NRCAM: variants seen among roughly 807,000 people sequenced by gnomAD.
The protein encoded by NRCAM is NgCAM-related cell adhesion molecule.
A neutral mutation model predicts 156.5 loss-of-function variants in NRCAM; 83 were observed. The observed-to-expected ratio is 0.53, with a 90% CI of 0.44 to 0.64. NRCAM has a LOEUF of 0.64. Ranked by LOEUF, NRCAM falls within the 30% of genes least tolerant of loss-of-function variation. NRCAM has a pLI of 0.00. For missense variants in NRCAM, 1,417 were observed against 1,597.3 expected, an observed-to-expected ratio of 0.89 and a Z score of 1.92; for synonymous variants, 538 against 563.9, an observed-to-expected ratio of 0.95 and a Z score of 0.65.
rs1482378406 is a variant in NRCAM at position 108,303,380 on chromosome 7, C to T, written c.-107+9285G>A. The stretch of plus-strand genomic sequence containing the variant: ...CTCAGTTGGCAAATATACTGTGTAC[C>T]GTCTCCTCTTCAGCCCCTCTGCTAG... On this transcript the variant is annotated intron_variant, in intron 3 of 32. Coordinates refer to ENST00000379028, the MANE Select transcript of NRCAM (RefSeq NM_001037132.4). Among the ~76,000 whole-genome samples the T allele has an allele frequency of 3.3e-5, 5 of 152,190 alleles. No homozygotes were observed. In the East Asian group the frequency reaches 5.8e-4, roughly 18 times the overall value.
chr7:108,388,966 G>A (rs1484527508), intron 2 of NRCAM, among the ~76,000 whole-genome samples: 1 of 152,160 alleles, frequency 6.6e-6, no homozygotes, highest in Non-Finnish European at 1.5e-5. Context: ...CTGTAGCCTT[G>A]TAGTATAGTT....
rs2095429213 is a variant in NRCAM, at chr7:108,240,118, A to G, written c.-54T>C. On this transcript the variant is annotated 5_prime_UTR_variant, in exon 4 of 33. Transcript: ENST00000379028. ...CTGAATTTCCTTTTCTTCTTTCACA[A>G]AAGATTTTGTGAAACGTTGTGTGCA... 1 of 1,321,374 alleles carries G rather than the reference A, an allele frequency of 7.6e-7. No homozygotes were observed. Among genetic ancestry groups the G allele is most frequent in the Non-Finnish European group, 1.1e-6 (1 of 923,710 alleles). The allele number at this position is 1,321,374 out of a possible 1,614,324, so 81.9% of individuals were successfully genotyped here.
intron 2 of NRCAM, among the ~76,000 whole-genome samples, chr7:108,318,261 G>T (rs1419739389): frequency 2.0e-5 from 3 of 151,752 alleles, no homozygotes; most frequent in Non-Finnish European, 4.4e-5. Context: ...TAGCCAGGAT[G>T]GTCTCGATCT....
In NRCAM at chr7:108,148,982, A is replaced by C. The variant is rs755875989; in HGVS notation, c.*928T>G. On this transcript the variant is annotated 3_prime_UTR_variant, in exon 33 of 33. Transcript: ENST00000379028. ...TCATGAACTCTGCTTTTTAAAAGTT[A>C]CTTTTAGACAATGACAGTAATCTAG... 2.6e-5 allele frequency: 4 copies of C among 152,578 alleles called. No individual in the cohort carries two copies. The highest frequency in any genetic ancestry group is 6.5e-5 in the Admixed American group (1 of 15,284). 9.5% of individuals were successfully genotyped at this position (152,578 alleles called of 1,614,324 possible).
At chr7:108,296,127 A>G (rs1178864597) in intron 3 of NRCAM, among the ~76,000 whole-genome samples, 1 of 152,244 alleles carries the variant, frequency 6.6e-6, no homozygotes, top group East Asian at 1.9e-4. Flanking sequence ...AGTCTTAAGA[A>G]GGATGGAGAA....
chr7:108,188,318 T>C (rs990875847), intron 20 of NRCAM, among the ~76,000 whole-genome samples: 1 of 152,048 alleles, frequency 6.6e-6, no homozygotes, highest in Non-Finnish European at 1.5e-5. Flanking sequence ...GAGAAGCAGA[T>C]GGAGGCTGTG....
chr7:108,453,180 T>G (rs539595466), intron 1 of NRCAM, among the ~76,000 whole-genome samples: 1 of 152,334 alleles, frequency 6.6e-6, no homozygotes, highest in Admixed American at 6.5e-5. Context: ...GAATGAAATC[T>G]TTTTAACGGA....
chr7:108,411,522 T>A (rs1034823), intron 1 of NRCAM, among the ~76,000 whole-genome samples: 12,871 of 152,194 alleles, frequency 0.085, 1,426 homozygotes, highest in African/African-American at 0.26. Flanking sequence ...TCAGTAGACA[T>A]GGGCCTAGAT....
At chr7:108,361,258 T>C (rs2154318347) in intron 2 of NRCAM, among the ~76,000 whole-genome samples, 2 of 152,330 alleles carry the variant, frequency 1.3e-5, no homozygotes, top group East Asian at 3.9e-4. Context: ...GATGACACAG[T>C]TTGGCAGTTC....
In NRCAM at chr7:108,149,554, G is replaced by A. The variant is rs937598073; in HGVS notation, c.*356C>T. Reference sequence around the variant, plus strand: ...TAGTATAAACAAAGTATCAAACCATGTTTTCATAACATACACGGGTATGTC... The same window carrying A: ...TAGTATAAACAAAGTATCAAACCATATTTTCATAACATACACGGGTATGTC... On this transcript the variant is annotated 3_prime_UTR_variant, in exon 33 of 33. Coordinates refer to ENST00000379028, the MANE Select transcript of NRCAM (RefSeq NM_001037132.4). 13 of 213,438 alleles carry A rather than the reference G, an allele frequency of 6.1e-5. No homozygotes were observed. Among genetic ancestry groups the A allele is most frequent in the Non-Finnish European group, 9.3e-5 (10 of 107,500 alleles). 13.2% of individuals were successfully genotyped at this position (213,438 alleles called of 1,614,324 possible).
At chr7:108,183,372 G>A (rs1242544508) in intron 22 of NRCAM, among the ~76,000 whole-genome samples, 1 of 148,518 alleles carries the variant, frequency 6.7e-6, no homozygotes, top group African/African-American at 2.5e-5. Flanking sequence ...ATATAAGTAT[G>A]TACATATATG....
At chr7:108,297,486 A>C (rs1353015795) in intron 3 of NRCAM, among the ~76,000 whole-genome samples, 1 of 152,218 alleles carries the variant, frequency 6.6e-6, no homozygotes, top group Non-Finnish European at 1.5e-5. Flanking sequence ...AAAGGGATGA[A>C]ACTTTCATTA....
At chr7:108,193,952 A>G in intron 17 of NRCAM, 72 bp downstream of exon 17, 1 of 1,463,888 alleles carries the variant, frequency 6.8e-7, no homozygotes, top group South Asian at 1.2e-5. Context: ...AATTGACTAC[A>G]TAGTAGACCT....
intron 3 of NRCAM, among the ~76,000 whole-genome samples, chr7:108,255,313 T>C (rs12672376): frequency 0.068 from 10,299 of 152,134 alleles, 477 homozygotes; most frequent in African/African-American, 0.12. Flanking sequence ...ATTGCAGGTG[T>C]GCGCCGCCAC....
At chr7:108,185,960 G>A (rs2066516943) in intron 20 of NRCAM, among the ~76,000 whole-genome samples, 1 of 152,112 alleles carries the variant, frequency 6.6e-6, no homozygotes, top group African/African-American at 2.4e-5. Flanking sequence ...CTATAACATT[G>A]GTGTGGCCAG....
At chr7:108,378,902 A>G (rs2099688920) in intron 2 of NRCAM, among the ~76,000 whole-genome samples, 1 of 152,168 alleles carries the variant, frequency 6.6e-6, no homozygotes, top group African/African-American at 2.4e-5. Flanking sequence ...CAAACAGGAA[A>G]GCCAGACTCT....
At chr7:108,344,111 C>T (rs1241076324) in intron 2 of NRCAM, among the ~76,000 whole-genome samples, 2 of 152,096 alleles carry the variant, frequency 1.3e-5, no homozygotes, top group South Asian at 2.1e-4. Context: ...GCAGTTGGAG[C>T]GGTCATCGGC....
intron 3 of NRCAM, among the ~76,000 whole-genome samples, chr7:108,292,467 C>G (rs1328503927): frequency 6.6e-6 from 1 of 152,176 alleles, no homozygotes; most frequent in Non-Finnish European, 1.5e-5. Flanking sequence ...GACTTGCTTA[C>G]TAACTCAGGA....
chr7:108,415,039 G>T (rs971836286), intron 1 of NRCAM, among the ~76,000 whole-genome samples: 1 of 151,994 alleles, frequency 6.6e-6, no homozygotes, highest in Non-Finnish European at 1.5e-5. Context: ...CCACAGAAGA[G>T]ATGAAAAAGA....
Sources: gnomAD v4.1 joint callset for allele counts (sites outside exome capture counted in the v4.1 genomes callset) on GRCh38, gnomAD v4.1.1 for gene constraint, MANE v1.5 for transcripts, NCBI Gene and HGNC (gene_info 2026-07-23, HGNC 2026-07-21) for gene names.